The following RC3H1 variants were observed in gnomAD, a reference collection of about 807,000 sequenced individuals.
RC3H1 encodes roquin-1.
A neutral mutation model predicts 138.2 loss-of-function variants in RC3H1; 50 were observed. The observed-to-expected ratio is 0.36, with a 90% confidence interval of 0.29 to 0.46. The LOEUF is 0.46. RC3H1 is among the 20% of genes least tolerant of loss of function. The pLI is 1.00. For synonymous variants in RC3H1, 462 were observed against 489.1 expected (o/e 0.94, Z 0.73); for missense variants, 1,031 against 1,388.1 (o/e 0.74, Z 4.09).
chr1:174,000,655 G>A (rs1353736625), intron 1 of RC3H1, among the ~76,000 whole-genome samples: 1 of 152,100 alleles, frequency 6.6e-6, no homozygotes, highest in Non-Finnish European at 1.5e-5. Flanking sequence ...CATTATTCTT[G>A]ACCTTAACTT....
intron 7 of RC3H1, 29 bp downstream of exon 7, chr1:173,978,459 G>A: frequency 1.2e-6 from 2 of 1,611,846 alleles, no homozygotes; most frequent in Non-Finnish European, 1.7e-6. Flanking sequence ...GCACATATAA[G>A]ATAGTCCATT....
At chr1:173,993,907 C>A (rs1253019568) in intron 1 of RC3H1, among the ~76,000 whole-genome samples, 2 of 149,186 alleles carry the variant, frequency 1.3e-5, no homozygotes, top group African/African-American at 5.0e-5. Flanking sequence ...GTAACCCCAG[C>A]TACTCAGGAG....
intron 1 of RC3H1, among the ~76,000 whole-genome samples, chr1:174,020,024 C>A (rs1243831580): frequency 6.6e-6 from 1 of 151,890 alleles, no homozygotes; most frequent in East Asian, 1.9e-4. Flanking sequence ...AAACTTACAA[C>A]CTATAAATTA....
At chr1:173,994,040 A>AG (rs1261078232) in intron 1 of RC3H1, among the ~76,000 whole-genome samples, 1 of 150,880 alleles carries the variant, frequency 6.6e-6, no homozygotes, top group Non-Finnish European at 1.5e-5. Context: ...AAAAAAAAAA[A>AG]AAAAGCTTTG....
intron 3 of RC3H1, among the ~76,000 whole-genome samples, chr1:173,984,145 T>C (rs775478111): frequency 2.0e-5 from 3 of 152,218 alleles, no homozygotes; most frequent in African/African-American, 4.8e-5. Context: ...TGTCAAATGA[T>C]GGAAAGCACT....
At chr1:173,943,308 G>A (rs1658986296) in intron 18 of RC3H1, 134 bp downstream of exon 18, 1 of 774,182 alleles carries the variant, frequency 1.3e-6, no homozygotes, top group Admixed American at 3.0e-5. Flanking sequence ...TAGCCCACCT[G>A]CATGAGAATT....
intron 1 of RC3H1, among the ~76,000 whole-genome samples, chr1:174,000,070 CTG>C (rs1661536801): frequency 6.6e-6 from 1 of 152,192 alleles, no homozygotes; most frequent in Admixed American, 6.5e-5. Flanking sequence ...TTGCACAACT[CTG>C]TAAATTTACT....
In RC3H1 at chr1:173,933,374, A is replaced by C. The variant is rs1228673703; in HGVS notation, c.*5347T>G. ...TTGAAAACATACCTATTAGGAATAGATTTATTATTAAAAGGTGTTACTTAT... is the reference window on the plus strand; with the variant it reads ...TTGAAAACATACCTATTAGGAATAGCTTTATTATTAAAAGGTGTTACTTAT... On this transcript the variant is annotated 3_prime_UTR_variant, in exon 20 of 20. Coordinates refer to ENST00000367696, the MANE Select transcript of RC3H1 (RefSeq NM_172071.4). 1 of 152,086 alleles carries C rather than the reference A, an allele frequency of 6.6e-6. No homozygotes were observed. Among genetic ancestry groups the C allele is most frequent in the East Asian group, 1.9e-4 (1 of 5,204 alleles). 9.4% of individuals were successfully genotyped at this position (152,086 alleles called of 1,614,324 possible). A position where few individuals can be genotyped will look rare whatever the true frequency, so the allele number is the denominator to read the frequency against.
At chr1:173,966,434 G>A (rs546227325) in intron 9 of RC3H1, among the ~76,000 whole-genome samples, 1 of 152,000 alleles carries the variant, frequency 6.6e-6, no homozygotes, top group East Asian at 1.9e-4. Context: ...ATAAAACCTC[G>A]GCTTGGCGCG....
chr1:173,964,687 A>C, intron 10 of RC3H1, 152 bp downstream of exon 10: 1 of 743,124 alleles, frequency 1.3e-6, no homozygotes, highest in Admixed American at 2.9e-5. Context: ...TTTCTTAAAA[A>C]ACACTAGCAT....
At chr1:173,989,902 A>G (rs1661200263) in intron 2 of RC3H1, among the ~76,000 whole-genome samples, 1 of 145,274 alleles carries the variant, frequency 6.9e-6, no homozygotes, top group African/African-American at 2.5e-5. Flanking sequence ...AATTTTTTGT[A>G]TTTTTAGTAG....
intron 9 of RC3H1, among the ~76,000 whole-genome samples, chr1:173,969,697 G>A (rs1012108122): frequency 1.3e-5 from 2 of 151,374 alleles, no homozygotes; most frequent in African/African-American, 4.8e-5. Flanking sequence ...GGGAGACCCT[G>A]TCTCTATTTT....
At chr1:173,951,714 T>C (rs1659408186) in intron 14 of RC3H1, among the ~76,000 whole-genome samples, 1 of 152,174 alleles carries the variant, frequency 6.6e-6, no homozygotes, top group South Asian at 2.1e-4. Context: ...TTATGTAAAA[T>C]AATTTAATCT....
chr1:173,985,138 CTTCA>C (rs1454076923), intron 2 of RC3H1, among the ~76,000 whole-genome samples: 9 of 152,302 alleles, frequency 5.9e-5, no homozygotes, highest in Middle Eastern at 3.4e-3. Flanking sequence ...TGTATCAGTA[CTTCA>C]TTCATTTTCA....
At chr1:173,989,085 G>C (rs898010414) in intron 2 of RC3H1, among the ~76,000 whole-genome samples, 4 of 152,218 alleles carry the variant, frequency 2.6e-5, no homozygotes, top group African/African-American at 9.7e-5. Flanking sequence ...CTACAGCGTA[G>C]TGCTGCGATC....
At chr1:173,982,970 G>T in intron 4 of RC3H1, 68 bp from the exon 5 acceptor site, 1 of 1,363,570 alleles carries the variant, frequency 7.3e-7, no homozygotes, top group Non-Finnish European at 1.0e-6. Flanking sequence ...TTATTAGAAG[G>T]GGAATATTTA....
chr1:173,967,974 A>G (rs957805547), intron 9 of RC3H1, among the ~76,000 whole-genome samples: 5 of 152,200 alleles, frequency 3.3e-5, no homozygotes, highest in African/African-American at 1.2e-4. Context: ...ATTTTAGTAT[A>G]AAGATTGTGG....
At chr1:173,967,274 T>C (rs1035969076) in intron 9 of RC3H1, among the ~76,000 whole-genome samples, 4 of 152,154 alleles carry the variant, frequency 2.6e-5, no homozygotes, top group African/African-American at 9.7e-5. Context: ...GGGCCATGAT[T>C]GCATCACTGC....
intron 13 of RC3H1, among the ~76,000 whole-genome samples, chr1:173,958,578 A>G (rs946763857): frequency 6.6e-6 from 1 of 152,170 alleles, no homozygotes; most frequent in Non-Finnish European, 1.5e-5. Flanking sequence ...GGCTTTTTGA[A>G]AGACAAATAA....
Sources: allele counts gnomAD v4.1 joint callset (sites outside exome capture counted in the v4.1 genomes callset), GRCh38; gene constraint gnomAD v4.1.1; transcripts MANE v1.5; gene names NCBI Gene and HGNC (gene_info 2026-07-23, HGNC 2026-07-21).